AGAP1: variants seen among roughly 807,000 people sequenced by gnomAD.
The protein encoded by AGAP1 is ArfGAP with GTPase domain, ankyrin repeat and PH domain 1.
Under a neutral mutation model 105.3 loss-of-function variants are expected in AGAP1, and 29 were observed. The observed-to-expected ratio is 0.28, with a 90% confidence interval of 0.21 to 0.38. The LOEUF (loss-of-function observed/expected upper bound fraction) is 0.38, where lower values mean the gene tolerates loss of function less well. Ranked by LOEUF, AGAP1 falls within the 10% of genes least tolerant of loss-of-function variation. The pLI is 1.00. For synonymous variants in AGAP1, 509 were observed against 485.9 expected, an observed-to-expected ratio of 1.05 and a Z score of -0.63; for missense variants, 998 against 1,165.1, an observed-to-expected ratio of 0.86 and a Z score of 2.09.
At chr2:236,099,454 CA>C (rs560831358) in intron 16 of AGAP1, among the ~76,000 whole-genome samples, 35 of 137,854 alleles carry the variant, frequency 2.5e-4, no homozygotes, top group Middle Eastern at 3.9e-3. Context: ...GACTCCGCCT[CA>C]AAAAAAAAAA....
intron 12 of AGAP1, among the ~76,000 whole-genome samples, chr2:235,937,953 T>C (rs2053071448): frequency 1.3e-5 from 2 of 152,248 alleles, no homozygotes; most frequent in Non-Finnish European, 1.5e-5. Context: ...GGTTGCTGCG[T>C]TGCACAGTAA....
At chr2:235,912,075 G>C (rs1333904829) in intron 11 of AGAP1, among the ~76,000 whole-genome samples, 2 of 152,214 alleles carry the variant, frequency 1.3e-5, no homozygotes, top group Admixed American at 6.5e-5. Context: ...CTTCATTCTT[G>C]GGTTCTGAGA....
chr2:235,677,134 A>G (rs1948785507), intron 1 of AGAP1, among the ~76,000 whole-genome samples: 2 of 152,222 alleles, frequency 1.3e-5, no homozygotes, highest in African/African-American at 2.4e-5. Context: ...CTGTGAAGAC[A>G]TGAACGTAGC....
At chr2:235,520,761 G>A (rs924168088) in intron 1 of AGAP1, among the ~76,000 whole-genome samples, 3 of 152,074 alleles carry the variant, frequency 2.0e-5, no homozygotes, top group South Asian at 2.1e-4. Flanking sequence ...TTTACTAATC[G>A]TAAAAATAAC....
chr2:235,880,735 G>A (rs1185235760), intron 9 of AGAP1, among the ~76,000 whole-genome samples: 6 of 146,402 alleles, frequency 4.1e-5, no homozygotes, highest in Non-Finnish European at 5.9e-5. Flanking sequence ...GCGAGACTCC[G>A]TCTCAAAAAA....
chr2:235,697,854 C>A (rs1351933012), intron 1 of AGAP1, among the ~76,000 whole-genome samples: 1 of 152,196 alleles, frequency 6.6e-6, no homozygotes, highest in Non-Finnish European at 1.5e-5. Context: ...AATATCTTGT[C>A]TCCTGCGTTC....
At chr2:235,940,458 T>G (rs1043089518) in intron 12 of AGAP1, among the ~76,000 whole-genome samples, 1 of 152,192 alleles carries the variant, frequency 6.6e-6, no homozygotes, top group Non-Finnish European at 1.5e-5. Flanking sequence ...CTGACCCCTG[T>G]TTTTTGACCG....
At chr2:235,514,551 G>A (rs966892070) in intron 1 of AGAP1, among the ~76,000 whole-genome samples, 7 of 152,372 alleles carry the variant, frequency 4.6e-5, no homozygotes, top group African/African-American at 1.7e-4. Context: ...CCCTGCCTGG[G>A]GGTTTGGATC....
In AGAP1 at chr2:236,085,839, C is replaced by A. The variant is rs928562990; in HGVS notation, c.2115-34353C>A. On this transcript the variant is annotated intron_variant, in intron 16 of 17. Transcript: ENST00000304032. ...GCCGGCTTCCTTTGTGAAGGCAAGC[C>A]CCACACAAGGAGCAGGACTCCTGGA... Among the ~76,000 whole-genome samples, 6 of 152,338 alleles carry A rather than the reference C, an allele frequency of 3.9e-5. No individual in the cohort carries two copies. In the South Asian group the frequency reaches 8.3e-4, roughly 21 times the overall value.
At chr2:235,666,930 G>C (rs1240856133) in intron 1 of AGAP1, among the ~76,000 whole-genome samples, 4 of 152,002 alleles carry the variant, frequency 2.6e-5, no homozygotes, top group Non-Finnish European at 5.9e-5. Flanking sequence ...TCCCACACCT[G>C]GCTAAGTTAG....
Position 235,792,395 on chromosome 2 carries a change from G to A in AGAP1, c.674-5364G>A, listed in dbSNP as rs1428642587. ...GTAGTACTAATGTGCGGAAATACCA[G>A]GAGTGGACAAGCCACCTTCCCCAAA... On this transcript the variant is annotated intron_variant, in intron 6 of 17. Coordinates refer to ENST00000304032, the MANE Select transcript of AGAP1 (RefSeq NM_001037131.3). This position sits in a 1 kb window ranked among gnomAD's most constrained non-coding sequence, Gnocchi z 5.3. Among the ~76,000 whole-genome samples, 6 of 152,156 alleles carry A rather than the reference G, an allele frequency of 3.9e-5. No individual in the cohort carries two copies. Among genetic ancestry groups the A allele is most frequent in the Non-Finnish European group, 8.8e-5 (6 of 68,038 alleles).
chr2:235,884,828 T>C (rs2050193938), intron 10 of AGAP1, among the ~76,000 whole-genome samples: 1 of 151,872 alleles, frequency 6.6e-6, no homozygotes, highest in Non-Finnish European at 1.5e-5. Context: ...AAGGCAACTT[T>C]ATATCACTGT....
At chr2:235,986,709 T>C (rs1308059420) in intron 13 of AGAP1, among the ~76,000 whole-genome samples, 5 of 152,202 alleles carry the variant, frequency 3.3e-5, no homozygotes, top group African/African-American at 9.6e-5. Flanking sequence ...TGAAGGCCTT[T>C]TCTGCATCTA....
intron 6 of AGAP1, among the ~76,000 whole-genome samples, chr2:235,795,974 C>T (rs138426118): frequency 2.0e-5 from 3 of 152,296 alleles, no homozygotes; most frequent in East Asian, 1.9e-4. Flanking sequence ...GGAAGTTTCT[C>T]GCATCTTCCC....
rs866955647 is a variant in AGAP1, at chr2:235,734,354, G to A, written c.311-6609G>A. ...CAGTCTGAACCCCACAGCGCTGGGCGGTTGACGAGGTGTGGCCAGCTTGCA... is the reference window on the plus strand; with the variant it reads ...CAGTCTGAACCCCACAGCGCTGGGCAGTTGACGAGGTGTGGCCAGCTTGCA... On this transcript the variant is annotated intron_variant, in intron 3 of 17. Coordinates refer to ENST00000304032, the MANE Select transcript of AGAP1 (RefSeq NM_001037131.3). This position sits in a 1 kb window ranked among gnomAD's most constrained non-coding sequence, Gnocchi z 5.3. Among the ~76,000 whole-genome samples, 21 of 152,140 alleles carry A rather than the reference G, an allele frequency of 1.4e-4. No homozygotes were observed. Among genetic ancestry groups the A allele is most frequent in the African/African-American group, 4.8e-4 (20 of 41,434 alleles).
chr2:235,757,645 G>A (rs191618361), intron 6 of AGAP1, among the ~76,000 whole-genome samples: 14 of 152,246 alleles, frequency 9.2e-5, no homozygotes, highest in Non-Finnish European at 1.9e-4. Flanking sequence ...GGCTCACCTG[G>A]GCCTATCTAA....
intron 16 of AGAP1, among the ~76,000 whole-genome samples, chr2:236,111,471 G>A (rs2059638598): frequency 6.6e-6 from 1 of 150,562 alleles, no homozygotes; most frequent in African/African-American, 2.5e-5. Flanking sequence ...AACCCAGCCT[G>A]GGCAGTATAG....
intron 10 of AGAP1, among the ~76,000 whole-genome samples, chr2:235,890,954 C>A (rs1038149012): frequency 0.011 from 881 of 81,400 alleles, 14 homozygotes; most frequent in African/African-American, 0.033. Context: ...AAAAAAAAAA[C>A]ACCTCAGTTA....
chr2:235,812,325 C>T (rs1297511089), intron 9 of AGAP1, among the ~76,000 whole-genome samples: 1 of 152,220 alleles, frequency 6.6e-6, no homozygotes, highest in Non-Finnish European at 1.5e-5. Context: ...CCGGGGCAAG[C>T]CCGCCGCACC....
Sources: allele counts gnomAD v4.1 joint callset (sites outside exome capture counted in the v4.1 genomes callset), GRCh38; gene constraint gnomAD v4.1.1; non-coding constraint Gnocchi (gnomAD v3.1); transcripts MANE v1.5; gene names NCBI Gene and HGNC (gene_info 2026-07-23, HGNC 2026-07-21).